HSPA12A: variants seen among roughly 807,000 people sequenced by gnomAD.
HSPA12A encodes heat shock protein family A (Hsp70) member 12A, also known as heat shock 70 kDa protein 12A.
A neutral mutation model predicts 69.2 loss-of-function variants in HSPA12A; 28 were observed. The observed-to-expected ratio is 0.40, with a 90% CI of 0.30 to 0.55. HSPA12A has a LOEUF of 0.55. Ranked by LOEUF, HSPA12A falls within the 20% of genes least tolerant of loss-of-function variation. HSPA12A has a pLI of 0.38. For synonymous variants in HSPA12A, 345 were observed against 370.5 expected, an observed-to-expected ratio of 0.93 and a Z score of 0.79; for missense variants, 686 against 900.7, an observed-to-expected ratio of 0.76 and a Z score of 3.05.
intron 1 of HSPA12A, chr10:116,849,411 G>C (rs1471082053): frequency 3.8e-6 from 4 of 1,064,476 alleles, no homozygotes; most frequent in Non-Finnish European, 5.1e-6. Context: ...TACCATCCTA[G>C]CTCCAATAAA....
intron 1 of HSPA12A, among the ~76,000 whole-genome samples, chr10:116,716,499 T>C (rs1208766256): frequency 6.6e-6 from 1 of 152,110 alleles, no homozygotes; most frequent in African/African-American, 2.4e-5. Flanking sequence ...TGTGCTCCTG[T>C]TGGGGACAAG....
intron 1 of HSPA12A, among the ~76,000 whole-genome samples, chr10:116,709,292 A>G (rs1850352372): frequency 6.6e-6 from 1 of 152,106 alleles, no homozygotes; most frequent in Non-Finnish European, 1.5e-5. Flanking sequence ...ACTTAAAAAT[A>G]CAAAAATTAG....
chr10:116,798,986 G>A (rs889659808), intron 2 of HSPA12A, among the ~76,000 whole-genome samples: 1 of 152,050 alleles, frequency 6.6e-6, no homozygotes, highest in Non-Finnish European at 1.5e-5. Flanking sequence ...GTCAGGGAGT[G>A]GCCGACAGGG....
intron 1 of HSPA12A, among the ~76,000 whole-genome samples, chr10:116,849,018 G>A (rs920668136): frequency 6.6e-6 from 1 of 152,214 alleles, no homozygotes; most frequent in African/African-American, 2.4e-5. Flanking sequence ...GAATTCCTGA[G>A]ATCGCCACCG....
chr10:116,742,329 T>G, intron 1 of HSPA12A, 101 bp downstream of exon 1: 1 of 1,244,318 alleles, frequency 8.0e-7, no homozygotes, highest in Non-Finnish European at 1.0e-6. Context: ...GCGTCCCCAC[T>G]TTTCCACGGC....
chr10:116,739,864 C>T (rs960058297), intron 1 of HSPA12A, among the ~76,000 whole-genome samples: 2 of 152,112 alleles, frequency 1.3e-5, no homozygotes, highest in Admixed American at 6.6e-5. Flanking sequence ...TTCATTGGCA[C>T]GCACCTCTGC....
At chr10:116,766,315 G>A (rs1161577392) in intron 2 of HSPA12A, among the ~76,000 whole-genome samples, 10 of 152,070 alleles carry the variant, frequency 6.6e-5, no homozygotes, top group African/African-American at 2.2e-4. Flanking sequence ...CTTGCAACCC[G>A]AGAACTCCCT....
chr10:116,727,591 T>C (rs1404338270), intron 1 of HSPA12A, among the ~76,000 whole-genome samples: 1 of 152,184 alleles, frequency 6.6e-6, no homozygotes, highest in Non-Finnish European at 1.5e-5. Flanking sequence ...CATGATGGTG[T>C]AAAGGCGATA....
chr10:116,684,085 C>G, intron 6 of HSPA12A, 123 bp from the exon 7 acceptor site: 1 of 777,978 alleles, frequency 1.3e-6, no homozygotes, highest in Non-Finnish European at 1.9e-6. Flanking sequence ...GTGGGACATT[C>G]TCTACACAGT....
intron 6 of HSPA12A, among the ~76,000 whole-genome samples, chr10:116,684,786 C>T (rs1013178285): frequency 2.6e-4 from 40 of 152,222 alleles, no homozygotes; most frequent in African/African-American, 9.4e-4. Context: ...CATCTGCAAA[C>T]ATTTGGGGCC....
chr10:116,688,279 C>G (rs1289800628), intron 6 of HSPA12A, among the ~76,000 whole-genome samples: 1 of 152,200 alleles, frequency 6.6e-6, no homozygotes, highest in Non-Finnish European at 1.5e-5. Flanking sequence ...TTTCCTGGCC[C>G]TCATCCCTGC....
chr10:116,683,556 C>T (rs1589624654), intron 7 of HSPA12A: 15 of 374,704 alleles, frequency 4.0e-5, no homozygotes, highest in Admixed American at 1.7e-4. Context: ...AGAAGCTCCC[C>T]GCCCCCAGAC....
At chr10:116,804,325 G>A (rs898191925) in intron 2 of HSPA12A, among the ~76,000 whole-genome samples, 3 of 152,170 alleles carry the variant, frequency 2.0e-5, no homozygotes, top group African/African-American at 7.2e-5. Flanking sequence ...ACTGAGGCTG[G>A]GTCCGCCGTG....
intron 1 of HSPA12A, among the ~76,000 whole-genome samples, chr10:116,716,656 T>A (rs1335402755): frequency 6.6e-6 from 1 of 152,122 alleles, no homozygotes; most frequent in Non-Finnish European, 1.5e-5. Context: ...AAAGCCAGAG[T>A]TGGCTCTTCG....
At chr10:116,679,290 T>C in intron 10 of HSPA12A, among the ~76,000 whole-genome samples, 1 of 152,322 alleles carries the variant, frequency 6.6e-6, no homozygotes, top group East Asian at 1.9e-4. Context: ...ATGAATTCAT[T>C]GCATTCTCAC....
At position 116,695,737 on chromosome 10, in the gene HSPA12A, A is replaced by T. The variant is rs370866308; in HGVS notation, c.546+2898T>A. On this transcript the variant is annotated intron_variant, in intron 5 of 11. Transcript: ENST00000369209. ...AGGCTGAGGCAGGAGAATGGCGTGAACCTGGGAGGCAGAGCTTGCAGTGAG... is the reference window on the plus strand; with the variant it reads ...AGGCTGAGGCAGGAGAATGGCGTGATCCTGGGAGGCAGAGCTTGCAGTGAG... Among the ~76,000 whole-genome samples, 810 of 152,028 alleles carry T rather than the reference A, an allele frequency of 5.3e-3. 7 individuals carry two copies. The highest frequency in any genetic ancestry group is 6.8e-3 in the Middle Eastern group (2 of 294).
intron 1 of HSPA12A, among the ~76,000 whole-genome samples, chr10:116,711,667 C>CTTTTTTTTTTTT (rs371161580): frequency 1.6e-5 from 2 of 126,862 alleles, no homozygotes; most frequent in African/African-American, 3.0e-5. Flanking sequence ...CTTTTTTTTT[C>CTTTTTTTTTTTT]TTTTTTTTTT....
At chr10:116,679,375 T>A in intron 10 of HSPA12A, 128 bp downstream of exon 10, 2 of 1,085,658 alleles carry the variant, frequency 1.8e-6, no homozygotes, top group Non-Finnish European at 2.7e-6. Context: ...AGAAGTTGAG[T>A]CCCTTGCCCA....
chr10:116,807,162 C>T (rs1413766350), intron 2 of HSPA12A, among the ~76,000 whole-genome samples: 1 of 151,914 alleles, frequency 6.6e-6, no homozygotes, highest in Non-Finnish European at 1.5e-5. Flanking sequence ...GCCAAGGGAG[C>T]TACAACCAGG....
Sources: gnomAD v4.1 joint callset for allele counts (sites outside exome capture counted in the v4.1 genomes callset) on GRCh38, gnomAD v4.1.1 for gene constraint, MANE v1.5 for transcripts, NCBI Gene and HGNC (gene_info 2026-07-23, HGNC 2026-07-21) for gene names.